Variants in STXBP6 observed in about 807,000 individuals in gnomAD.
The protein encoded by STXBP6 is syntaxin binding protein 6.
STXBP6 carries 21 observed loss-of-function variants against 26.9 expected under a neutral mutation model. That is an observed-to-expected ratio of 0.78 (90% confidence interval 0.55 to 1.12). The LOEUF is 1.12. Ranked by LOEUF, STXBP6 falls within the 50% of genes most tolerant of loss-of-function variation. The pLI is 0.00. For synonymous variants in STXBP6, 97 were observed against 92.6 expected (o/e 1.05, Z -0.27); for missense variants, 232 against 257.9 (o/e 0.90, Z 0.69).
chr14:24,869,181 C>T (rs1056021484), intron 2 of STXBP6, among the ~76,000 whole-genome samples: 3 of 152,118 alleles, frequency 2.0e-5, no homozygotes, highest in African/African-American at 7.2e-5. Context: ...CTGTGATTAG[C>T]AATATTTCAC....
intron 2 of STXBP6, among the ~76,000 whole-genome samples, chr14:24,874,459 T>C (rs2070059693): frequency 6.6e-6 from 1 of 152,116 alleles, no homozygotes; most frequent in African/African-American, 2.4e-5. Flanking sequence ...ACAGACTTTA[T>C]TATGCTATAG....
intron 2 of STXBP6, among the ~76,000 whole-genome samples, chr14:24,946,461 T>A (rs2072994638): frequency 6.6e-6 from 1 of 152,050 alleles, no homozygotes; most frequent in African/African-American, 2.4e-5. Flanking sequence ...TAAAATATGG[T>A]ATGTTTGATG....
chr14:24,883,821 T>C (rs1053076904), intron 2 of STXBP6, among the ~76,000 whole-genome samples: 3 of 152,130 alleles, frequency 2.0e-5, no homozygotes, highest in Non-Finnish European at 4.4e-5. Context: ...CAAAAGCAAA[T>C]GGAAATGTCA....
At chr14:24,875,521 G>A (rs80072338) in intron 2 of STXBP6, among the ~76,000 whole-genome samples, 1,698 of 152,306 alleles carry the variant, frequency 0.011, 35 homozygotes, top group African/African-American at 0.038. Flanking sequence ...TTGGGGTGGG[G>A]TAGCAAGGGG....
chr14:24,908,484 A>G (rs910523297), intron 2 of STXBP6, among the ~76,000 whole-genome samples: 1 of 152,196 alleles, frequency 6.6e-6, no homozygotes, highest in African/African-American at 2.4e-5. Flanking sequence ...GCTCCAGATC[A>G]TGGCTGTTGA....
intron 2 of STXBP6, among the ~76,000 whole-genome samples, chr14:24,971,367 A>G (rs1047652073): frequency 3.9e-5 from 6 of 152,244 alleles, no homozygotes; most frequent in Admixed American, 2.0e-4. Flanking sequence ...ATGCTGTTTC[A>G]AGAATGGTTA....
intron 2 of STXBP6, among the ~76,000 whole-genome samples, chr14:24,863,841 C>T (rs1014482230): frequency 1.3e-5 from 2 of 152,064 alleles, no homozygotes; most frequent in African/African-American, 4.8e-5. Context: ...GGAACACATA[C>T]AATGAATTAT....
chr14:24,906,300 T>A (rs1244045034), intron 2 of STXBP6, among the ~76,000 whole-genome samples: 1 of 152,144 alleles, frequency 6.6e-6, no homozygotes, highest in East Asian at 1.9e-4. Flanking sequence ...TTAATGATAT[T>A]CTACAATGCA....
chr14:24,901,737 T>A (rs1036488991), intron 2 of STXBP6, among the ~76,000 whole-genome samples: 1 of 152,100 alleles, frequency 6.6e-6, no homozygotes, highest in Non-Finnish European at 1.5e-5. Flanking sequence ...ACGTACTGAA[T>A]GAAAGAAATC....
chr14:24,893,831 C>T (rs1258371634), intron 2 of STXBP6, among the ~76,000 whole-genome samples: 2 of 152,200 alleles, frequency 1.3e-5, no homozygotes, highest in African/African-American at 2.4e-5. Context: ...TAAGGAACAG[C>T]TAGCTTTACA....
chr14:24,910,839 G>A (rs1397149784), intron 2 of STXBP6, among the ~76,000 whole-genome samples: 4 of 152,140 alleles, frequency 2.6e-5, no homozygotes, highest in African/African-American at 9.7e-5. Flanking sequence ...CCTCACAACA[G>A]AGGAGCCTCT....
intron 4 of STXBP6, among the ~76,000 whole-genome samples, chr14:24,819,991 C>A (rs1029245126): frequency 1.3e-5 from 2 of 152,198 alleles, no homozygotes; most frequent in African/African-American, 4.8e-5. Context: ...AAAGCCATTG[C>A]ATCTCAGAGG....
At chr14:25,001,173 A>T (rs1236465584) in intron 1 of STXBP6, among the ~76,000 whole-genome samples, 3 of 152,146 alleles carry the variant, frequency 2.0e-5, no homozygotes, top group African/African-American at 7.2e-5. Flanking sequence ...TCTGCCTTTG[A>T]TGATTAGATC....
intron 4 of STXBP6, among the ~76,000 whole-genome samples, chr14:24,834,363 C>T (rs1434599942): frequency 6.6e-6 from 1 of 152,138 alleles, no homozygotes; most frequent in Non-Finnish European, 1.5e-5. Flanking sequence ...CAGAATCACA[C>T]CTAAAAGATA....
At chr14:24,980,520 C>A (rs1368487888) in intron 1 of STXBP6, among the ~76,000 whole-genome samples, 1 of 152,156 alleles carries the variant, frequency 6.6e-6, no homozygotes, top group African/African-American at 2.4e-5. Context: ...AAAAGGAAGT[C>A]AGATATGCTA....
intron 1 of STXBP6, among the ~76,000 whole-genome samples, chr14:25,039,961 G>A (rs144186425): frequency 1.8e-3 from 277 of 152,044 alleles, no homozygotes; most frequent in South Asian, 9.2e-3. Flanking sequence ...CGCCTGCCTC[G>A]GCCTCCCAAA....
chr14:25,047,529 G>C (rs750299137), intron 1 of STXBP6, among the ~76,000 whole-genome samples: 1 of 152,184 alleles, frequency 6.6e-6, no homozygotes, highest in African/African-American at 2.4e-5. Context: ...ATGGTCTGTA[G>C]CACCATTAGC....
intron 2 of STXBP6, among the ~76,000 whole-genome samples, chr14:24,876,754 G>T (rs2070160114): frequency 6.6e-6 from 1 of 152,174 alleles, no homozygotes; most frequent in African/African-American, 2.4e-5. Context: ...GCATTTAATT[G>T]GGTCTGCGAA....
intron 2 of STXBP6, among the ~76,000 whole-genome samples, chr14:24,904,545 A>T (rs913151566): frequency 6.6e-6 from 1 of 152,198 alleles, no homozygotes; most frequent in Non-Finnish European, 1.5e-5. Flanking sequence ...TTAGCATCCA[A>T]TGTGACCGCA....
Sources: gnomAD v4.1 joint callset for allele counts (sites outside exome capture counted in the v4.1 genomes callset) on GRCh38, gnomAD v4.1.1 for gene constraint, MANE v1.5 for transcripts, NCBI Gene and HGNC (gene_info 2026-07-23, HGNC 2026-07-21) for gene names.